The following SPAG17 variants were observed in gnomAD, a reference collection of about 807,000 sequenced individuals.
The protein encoded by SPAG17 is sperm-associated antigen 17.
Under a neutral mutation model 273.6 loss-of-function variants are expected in SPAG17, and 169 were observed. That is an observed-to-expected ratio of 0.62 (90% CI 0.55 to 0.70). The LOEUF (loss-of-function observed/expected upper bound fraction) is 0.70. Among genes scored for constraint, SPAG17 ranks in the 30% least tolerant of loss-of-function variants. The pLI is 0.00. For synonymous variants in SPAG17, 825 were observed against 873.2 expected, an observed-to-expected ratio of 0.94 and a Z score of 0.97; for missense variants, 2,557 against 2,627.8, an observed-to-expected ratio of 0.97 and a Z score of 0.59.
chr1:118,046,533 T>C (rs564853172), intron 20 of SPAG17, among the ~76,000 whole-genome samples: 1 of 152,116 alleles, frequency 6.6e-6, no homozygotes, highest in African/African-American at 2.4e-5. Flanking sequence ...GAAATTAAGT[T>C]AAATTGAAAT....
At chr1:118,035,139 C>T (rs191757847) in intron 24 of SPAG17, among the ~76,000 whole-genome samples, 28 of 152,016 alleles carry the variant, frequency 1.8e-4, no homozygotes, top group South Asian at 4.1e-4. Context: ...TATATACATA[C>T]GCATATAATT....
intron 4 of SPAG17, 120 bp from the exon 5 acceptor site, chr1:118,102,046 G>A (rs2102221967): frequency 1.1e-6 from 1 of 872,712 alleles, no homozygotes. Flanking sequence ...TATTTTTTAG[G>A]TATTCATTAT....
At chr1:118,102,019 AT>A in intron 4 of SPAG17, 93 bp from the exon 5 acceptor site, 1 of 1,033,154 alleles carries the variant, frequency 9.7e-7, no homozygotes, top group Admixed American at 2.2e-5. Flanking sequence ...ATCTCATTCA[AT>A]CACTTGTATA....
At chr1:118,179,329 AG>A (rs1413406613) in intron 1 of SPAG17, among the ~76,000 whole-genome samples, 8 of 151,974 alleles carry the variant, frequency 5.3e-5, no homozygotes, top group African/African-American at 1.9e-4. Context: ...AGCTTACAAT[AG>A]GAAAGGACAG....
rs193224227 is a variant in SPAG17 at position 117,980,766 on chromosome 1, T to C, written c.6004+504A>G. 2.6e-5 allele frequency among the ~76,000 whole-genome samples: 4 copies of C among 152,326 alleles called. No individual in the cohort carries two copies. The East Asian group carries it at 7.7e-4, about 29-fold the overall frequency. On this transcript the variant is annotated intron_variant, in intron 43 of 48. Transcript: ENST00000336338. ...TAGCATAATGTGACTCCACTGTAACTAGATATTATCCTGTATTATTTTATA... is the reference window on the plus strand; with the variant it reads ...TAGCATAATGTGACTCCACTGTAACCAGATATTATCCTGTATTATTTTATA...
Position 117,966,758 on chromosome 1 carries a change from A to G in SPAG17, c.6388-5T>C. ...TGTCTGCATACCAGCTGCCACCTATAAGACACAAGGTAGCTTTAGGACCAG... is the reference window on the plus strand; with the variant it reads ...TGTCTGCATACCAGCTGCCACCTATGAGACACAAGGTAGCTTTAGGACCAG... On this transcript the variant is annotated splice_region_variant and splice_polypyrimidine_tract_variant and intron_variant, in intron 46 of 48. Coordinates refer to ENST00000336338, the MANE Select transcript of SPAG17 (RefSeq NM_206996.4). 1.2e-6 allele frequency: 2 copies of G among 1,606,984 alleles called. No individual in the cohort carries two copies. The highest frequency in any genetic ancestry group is 1.7e-6 in the Non-Finnish European group (2 of 1,177,712).
At chr1:118,150,338 T>C in intron 3 of SPAG17, 1 of 372,166 alleles carries the variant, frequency 2.7e-6, no homozygotes, top group Non-Finnish European at 4.9e-6. Flanking sequence ...TAGGAAATTG[T>C]ATTTGTAAAG....
At chr1:118,166,380 A>C (rs1660170494) in intron 1 of SPAG17, among the ~76,000 whole-genome samples, 1 of 152,214 alleles carries the variant, frequency 6.6e-6, no homozygotes. Flanking sequence ...ATGGCTAGAA[A>C]ACTGGCTTAA....
intron 32 of SPAG17, among the ~76,000 whole-genome samples, chr1:118,004,736 G>A (rs1571213802): frequency 6.6e-6 from 1 of 152,220 alleles, no homozygotes; most frequent in African/African-American, 2.4e-5. Flanking sequence ...CCCTTGGCTA[G>A]GAAAGGGAAA....
At chr1:117,994,616 T>G in intron 34 of SPAG17, 86 bp from the exon 35 acceptor site, 2 of 1,402,728 alleles carry the variant, frequency 1.4e-6, no homozygotes, top group Non-Finnish European at 1.9e-6. Context: ...TTCAACAAGC[T>G]CTTTTTGAAC....
At chr1:118,136,355 T>C (rs1433529959) in intron 3 of SPAG17, among the ~76,000 whole-genome samples, 1 of 152,216 alleles carries the variant, frequency 6.6e-6, no homozygotes, top group Non-Finnish European at 1.5e-5. Flanking sequence ...CCTTAGACTT[T>C]GCTAACCGCT....
chr1:117,989,559 A>T (rs796401792), intron 38 of SPAG17, among the ~76,000 whole-genome samples: 7 of 151,674 alleles, frequency 4.6e-5, no homozygotes, highest in African/African-American at 1.7e-4. Context: ...TCCCTCCAAC[A>T]TTGGGGATCA....
chr1:117,964,306 T>C (rs1387311257), intron 47 of SPAG17: 2 of 157,258 alleles, frequency 1.3e-5, no homozygotes, highest in African/African-American at 4.9e-5. Context: ...AGATAAAAGA[T>C]CTGATAAGAT....
In SPAG17 at chr1:117,963,909, G is replaced by A. The variant is rs368238767; in HGVS notation, c.6562C>T (p.Arg2188Ter). The A allele has an allele frequency of 1.2e-5, 20 of 1,613,702 alleles. No homozygotes were observed. The highest frequency in any genetic ancestry group is 4.0e-5 in the African/African-American group (3 of 74,910). Residue 2188 changes from arginine (R) to a stop codon, truncating the protein, a stop_gained, in exon 48 of 49, where the codon CGA becomes TGA. Coordinates refer to ENST00000336338, the MANE Select transcript of SPAG17 (RefSeq NM_206996.4). LOFTEE classifies it high-confidence loss of function. ...TVLTSSNYDK[R>*]PKDFPQGKEN... ...TTTCCCTGGGGAAAGTCTTTTGGTC[G>A]TTTATCATAATTGCTGCTTGTTAAA...
At chr1:118,000,663 C>T (rs546390751) in intron 32 of SPAG17, among the ~76,000 whole-genome samples, 1 of 152,314 alleles carries the variant, frequency 6.6e-6, no homozygotes, top group African/African-American at 2.4e-5. Context: ...GATTTTTGCA[C>T]ATTGATTTTG....
chr1:118,148,813 C>G (rs1659212137), intron 3 of SPAG17, among the ~76,000 whole-genome samples: 1 of 152,196 alleles, frequency 6.6e-6, no homozygotes, highest in South Asian at 2.1e-4. Context: ...CCACTCGCAA[C>G]TACCATGCAG....
chr1:118,167,811 G>A (rs1660240661), intron 1 of SPAG17, among the ~76,000 whole-genome samples: 1 of 152,114 alleles, frequency 6.6e-6, no homozygotes, highest in Admixed American at 6.6e-5. Flanking sequence ...CCTGGTGGGA[G>A]GTGACTGGGT....
intron 26 of SPAG17, among the ~76,000 whole-genome samples, chr1:118,026,953 CA>C (rs1440529815): frequency 6.6e-6 from 1 of 152,088 alleles, no homozygotes. Context: ...AGATTTTAAA[CA>C]GATGAGCTAT....
At position 118,041,794 on chromosome 1, in the gene SPAG17, G is replaced by A. The variant is rs146889394; in HGVS notation, c.3054+9C>T. The A allele has an allele frequency of 1.7e-3, 2,785 of 1,604,582 alleles. 4 individuals are homozygous for A. The highest frequency in any genetic ancestry group is 2.4e-3 in the Admixed American group (138 of 57,622). The stretch of plus-strand genomic sequence containing the variant: ...CAAAGAGACTAAGTTTTACAGAATT[G>A]GAGTTTACCGGGTAAGTTATCTTAG... On this transcript the variant is annotated intron_variant, in intron 21 of 48. Transcript: ENST00000336338.
Sources: gnomAD v4.1 joint callset for allele counts (sites outside exome capture counted in the v4.1 genomes callset) on GRCh38, gnomAD v4.1.1 for gene constraint, MANE v1.5 for transcripts, NCBI Gene and HGNC (gene_info 2026-07-23, HGNC 2026-07-21) for gene names.